Variants in GFRA3 observed in about 807,000 individuals in gnomAD.
The protein encoded by GFRA3 is GDNF family receptor alpha-3.
Under a neutral mutation model 40.0 loss-of-function variants are expected in GFRA3, and 24 were observed. That is an observed-to-expected ratio of 0.60 (90% CI 0.43 to 0.84). The LOEUF is 0.84. Ranked by LOEUF, GFRA3 falls within the 40% of genes least tolerant of loss-of-function variation. The pLI, the probability that GFRA3 is intolerant of heterozygous loss-of-function variation, is 0.00. For missense variants in GFRA3, 405 were observed against 530.6 expected (o/e 0.76, Z 2.33); for synonymous variants, 203 against 213.5 (o/e 0.95, Z 0.43).
At chr5:138,270,636 A>C (rs1384022242) in intron 1 of GFRA3, among the ~76,000 whole-genome samples, 1 of 152,168 alleles carries the variant, frequency 6.6e-6, no homozygotes, top group Non-Finnish European at 1.5e-5. Context: ...TGGGTACACC[A>C]AAATCTCATA....
Position 138,253,892 on chromosome 5 carries a change from T to C in GFRA3, c.898A>G (p.Met300Val). 2 of 1,613,718 alleles carry C rather than the reference T, an allele frequency of 1.2e-6. No homozygotes were observed. The highest frequency in any genetic ancestry group is 8.5e-7 in the Non-Finnish European group (1 of 1,179,686). ...ACATTGCTGACAAAGTTGGGGGTCA[T>C]GGCAGTCCCTGTGAAGAGGGAAAGG... ...RAYLGLIGTA[M>V]TPNFVSNVNT... The change falls in exon 6 of 8, where the codon ATG becomes GTG. Residue 300 changes from methionine to valine, a missense_variant. Physicochemically the swap from Met to Val is conservative, Grantham distance 21. Transcript: ENST00000274721.
intron 4 of GFRA3, among the ~76,000 whole-genome samples, chr5:138,256,253 G>A (rs918481778): frequency 6.7e-6 from 1 of 150,004 alleles, no homozygotes; most frequent in African/African-American, 2.5e-5. Flanking sequence ...AAATCGCTGG[G>A]CACGGTGGCT....
intron 2 of GFRA3, among the ~76,000 whole-genome samples, chr5:138,260,440 G>A (rs1755693734): frequency 6.6e-6 from 1 of 152,150 alleles, no homozygotes; most frequent in South Asian, 2.1e-4. Context: ...GGAATTGGTT[G>A]TTGCAATAGC....
Position 138,259,657 on chromosome 5 carries a change from C to T in GFRA3, c.380-8G>A, listed in dbSNP as rs200282276. 1.4e-4 allele frequency: 171 copies of T among 1,215,832 alleles called. No individual in the cohort carries two copies. The African/African-American group carries it at 2.3e-3, about 16-fold the overall frequency. The allele number at this position is 1,215,832 out of a possible 1,614,324, so 75.3% of individuals were successfully genotyped here. ...CATCCAGCTCATAGTTACCTAGAGA[C>T]AAGGTGGGGAGCACCAGAATGCTGA... On this transcript the variant is annotated splice_region_variant and splice_polypyrimidine_tract_variant and intron_variant, in intron 2 of 7. Transcript: ENST00000274721.
At chr5:138,260,281 G>A (rs1408839454) in intron 2 of GFRA3, among the ~76,000 whole-genome samples, 2 of 152,132 alleles carry the variant, frequency 1.3e-5, no homozygotes, top group African/African-American at 4.8e-5. Flanking sequence ...TCTTCACATG[G>A]TTCTGCTGCT....
chr5:138,260,855 T>G (rs1186579701), intron 2 of GFRA3, among the ~76,000 whole-genome samples: 2 of 151,604 alleles, frequency 1.3e-5, no homozygotes. Context: ...CAGCAGGACT[T>G]CATCTCTACA....
intron 4 of GFRA3, among the ~76,000 whole-genome samples, chr5:138,257,393 T>C (rs1755646988): frequency 6.6e-6 from 1 of 152,244 alleles, no homozygotes; most frequent in Non-Finnish European, 1.5e-5. Context: ...CTTCAGGTGA[T>C]AGAATTTTTA....
intron 2 of GFRA3, 38 bp from the exon 3 acceptor site, chr5:138,259,687 C>G (rs1404479492): frequency 1.1e-6 from 1 of 889,390 alleles, no homozygotes; most frequent in East Asian, 2.4e-5. Context: ...TGCTGAGGAC[C>G]AGGGTGGGGT....
chr5:138,253,652 C>A, intron 6 of GFRA3, 114 bp downstream of exon 6: 1 of 966,438 alleles, frequency 1.0e-6, no homozygotes, highest in Non-Finnish European at 1.6e-6. Flanking sequence ...CTAGGAACTG[C>A]TCTGTTTGGT....
chr5:138,262,623 A>T (rs1755727895), intron 2 of GFRA3, among the ~76,000 whole-genome samples: 1 of 151,684 alleles, frequency 6.6e-6, no homozygotes, highest in South Asian at 2.1e-4. Context: ...CAGCTAATTT[A>T]TTTATTTTTT....
rs1056823846 is a variant in GFRA3, at chr5:138,252,707, G to T, written c.*261C>A. On this transcript the variant is annotated 3_prime_UTR_variant, in exon 8 of 8. Coordinates refer to ENST00000274721, the MANE Select transcript of GFRA3 (RefSeq NM_001496.4). ...TAGTCAAGAGGAAGGGCTCAGAAAG[G>T]GGCTTGGTGGAGCTGGTCACCACCA... is the stretch of plus-strand genomic sequence containing the variant. 1 of 363,098 alleles carries T rather than the reference G, an allele frequency of 2.8e-6. No homozygotes were observed. Among genetic ancestry groups the T allele is most frequent in the Non-Finnish European group, 5.1e-6 (1 of 197,686 alleles). The allele number at this position is 363,098 out of a possible 1,614,324, so 22.5% of individuals were successfully genotyped here.
At chr5:138,271,055 C>T (rs570082608) in intron 1 of GFRA3, among the ~76,000 whole-genome samples, 3 of 152,032 alleles carry the variant, frequency 2.0e-5, no homozygotes, top group Admixed American at 6.6e-5. Context: ...TGCAGTGGCG[C>T]GATCTCGGCT....
chr5:138,260,583 A>G (rs1755695715), intron 2 of GFRA3, among the ~76,000 whole-genome samples: 1 of 152,178 alleles, frequency 6.6e-6, no homozygotes, highest in South Asian at 2.1e-4. Flanking sequence ...AGCCTGGCCA[A>G]CATGGTGAAA....
intron 1 of GFRA3, among the ~76,000 whole-genome samples, chr5:138,272,642 C>CAA (rs141935883): frequency 3.2e-4 from 48 of 147,892 alleles, no homozygotes; most frequent in South Asian, 6.4e-4. Context: ...TACCCTGTCT[C>CAA]AAAAAAAAAA....
chr5:138,257,537 C>T (rs1755648880), intron 4 of GFRA3, 102 bp downstream of exon 4: 6 of 983,004 alleles, frequency 6.1e-6, no homozygotes, highest in Admixed American at 3.0e-5. Flanking sequence ...AGTGGGTCCA[C>T]GGTTCCCTGG....
Position 138,252,559 on chromosome 5 carries a change from G to A in GFRA3, c.*409C>T, listed in dbSNP as rs372137729. 63 of 163,010 alleles carry A rather than the reference G, an allele frequency of 3.9e-4. No homozygotes were observed. The South Asian group carries it at 9.2e-3, about 24-fold the overall frequency. 10.1% of individuals were successfully genotyped at this position (163,010 alleles called of 1,614,324 possible). ...CTCAGAGGAGGAGACGAGGGGGCAG[G>A]AGCCTTCTTCACAAAGGAGAATGAC... On this transcript the variant is annotated 3_prime_UTR_variant, in exon 8 of 8. Transcript: ENST00000274721.
chr5:138,268,920 A>T (rs1411820611), intron 1 of GFRA3, among the ~76,000 whole-genome samples: 3 of 129,564 alleles, frequency 2.3e-5, no homozygotes, highest in Non-Finnish European at 3.5e-5. Flanking sequence ...GCAAGACTCC[A>T]TCTCAAAAAA....
chr5:138,270,203 TAC>T (rs1755847554), intron 1 of GFRA3, among the ~76,000 whole-genome samples: 1 of 22,252 alleles, frequency 4.5e-5, no homozygotes. Context: ...CCACTAAAAA[TAC>T]AAAAAAAAAA....
At chr5:138,258,682 G>C (rs1755670323) in intron 3 of GFRA3, among the ~76,000 whole-genome samples, 1 of 152,110 alleles carries the variant, frequency 6.6e-6, no homozygotes, top group African/African-American at 2.4e-5. Context: ...TTTCAGAACT[G>C]TCCAAAACAG....
Sources: gnomAD v4.1 joint callset for allele counts (sites outside exome capture counted in the v4.1 genomes callset) on GRCh38, gnomAD v4.1.1 for gene constraint, MANE v1.5 for transcripts, NCBI Gene and HGNC (gene_info 2026-07-23, HGNC 2026-07-21) for gene names.